Variants in GABRB1 observed in about 807,000 individuals in gnomAD.
GABRB1 encodes gamma-aminobutyric acid receptor subunit beta-1.
A neutral mutation model predicts 51.6 loss-of-function variants in GABRB1; 17 were observed. The observed-to-expected ratio is 0.33, with a 90% CI of 0.23 to 0.49. The LOEUF (loss-of-function observed/expected upper bound fraction) is 0.49, where lower values mean the gene tolerates loss of function less well. GABRB1 is among the 20% of genes least tolerant of loss of function. The pLI is 0.99. For synonymous variants in GABRB1, 247 were observed against 218.9 expected, an observed-to-expected ratio of 1.13 and a Z score of -1.14; for missense variants, 410 against 600.6, an observed-to-expected ratio of 0.68 and a Z score of 3.32.
intron 3 of GABRB1, among the ~76,000 whole-genome samples, chr4:47,146,867 A>C (rs974752660): frequency 6.6e-6 from 1 of 152,024 alleles, no homozygotes; most frequent in African/African-American, 2.4e-5. Context: ...ATAATGTAAA[A>C]CTTAGAATGT....
At chr4:47,116,716 A>C (rs1376765982) in intron 3 of GABRB1, among the ~76,000 whole-genome samples, 1 of 152,092 alleles carries the variant, frequency 6.6e-6, no homozygotes, top group African/African-American at 2.4e-5. Context: ...TTCTTTGGGC[A>C]AGTGTATTAG....
intron 4 of GABRB1, among the ~76,000 whole-genome samples, chr4:47,214,067 G>A (rs141059918): frequency 6.6e-5 from 10 of 152,212 alleles, no homozygotes; most frequent in Non-Finnish European, 1.3e-4. Context: ...TTAAATGGAT[G>A]AAACGCTAGT....
At position 47,403,534 on chromosome 4, in the gene GABRB1, ACTTGT is replaced by A; in HGVS notation, c.683-21_683-17del. 6.2e-7 allele frequency: 1 copy of A among 1,613,692 alleles called. No homozygotes were observed. Among genetic ancestry groups the A allele is most frequent in the Non-Finnish European group, 8.5e-7 (1 of 1,179,764 alleles). On this transcript the variant is annotated intron_variant, in intron 6 of 8. Transcript: ENST00000295454. ...GTTCCAACCAAATAATGGTCTGATT[ACTTGT>A]CTTTTGTTTCTCAACTCAGGAGCGT...
intron 4 of GABRB1, among the ~76,000 whole-genome samples, chr4:47,242,039 C>T (rs1251163959): frequency 6.6e-6 from 1 of 152,060 alleles, no homozygotes; most frequent in African/African-American, 2.4e-5. Flanking sequence ...CTTCCCCCTC[C>T]ACCCACCCCA....
chr4:47,203,682 G>C (rs183575597), intron 4 of GABRB1, among the ~76,000 whole-genome samples: 1 of 152,038 alleles, frequency 6.6e-6, no homozygotes, highest in Non-Finnish European at 1.5e-5. Flanking sequence ...CACAGGGATG[G>C]CACACAGCAT....
At position 47,103,973 on chromosome 4, in the gene GABRB1, T is replaced by C. The variant is rs140150705; in HGVS notation, c.241-57276T>C. ...GAAAAAATAAATTTCATATTTTCTTTTATTTATGCCCTTTCTAGCATTCCT... is the reference window on the plus strand; with the variant it reads ...GAAAAAATAAATTTCATATTTTCTTCTATTTATGCCCTTTCTAGCATTCCT... On this transcript the variant is annotated intron_variant, in intron 3 of 8. Coordinates refer to ENST00000295454, the MANE Select transcript of GABRB1 (RefSeq NM_000812.4). 9.2e-4 allele frequency among the ~76,000 whole-genome samples: 140 copies of C among 151,940 alleles called. 2 individuals carry two copies. The highest frequency in any genetic ancestry group is 3.1e-3 in the African/African-American group (130 of 41,530).
At chr4:47,219,373 A>G (rs1353448765) in intron 4 of GABRB1, among the ~76,000 whole-genome samples, 1 of 152,026 alleles carries the variant, frequency 6.6e-6, no homozygotes, top group South Asian at 2.1e-4. Flanking sequence ...TACTAAAGTA[A>G]CTAGCCTGAT....
chr4:47,138,284 G>A (rs1194184502), intron 3 of GABRB1, among the ~76,000 whole-genome samples: 4 of 152,044 alleles, frequency 2.6e-5, no homozygotes, highest in Non-Finnish European at 5.9e-5. Context: ...TGTTCTGAAG[G>A]TGGCTTTTAT....
At chr4:47,338,155 T>C (rs1725765338) in intron 5 of GABRB1, among the ~76,000 whole-genome samples, 1 of 152,198 alleles carries the variant, frequency 6.6e-6, no homozygotes, top group Admixed American at 6.5e-5. Flanking sequence ...CTGATCTTTC[T>C]ATACATCACC....
At chr4:46,997,778 A>G (rs1724048878) in intron 1 of GABRB1, among the ~76,000 whole-genome samples, 2 of 152,154 alleles carry the variant, frequency 1.3e-5, no homozygotes, top group African/African-American at 4.8e-5. Flanking sequence ...GCACACATAC[A>G]CATATACACA....
intron 3 of GABRB1, among the ~76,000 whole-genome samples, chr4:47,119,691 C>A (rs1715676632): frequency 6.6e-6 from 1 of 151,864 alleles, no homozygotes; most frequent in African/African-American, 2.4e-5. Flanking sequence ...TATTTTTTAG[C>A]AGAGACAAGG....
chr4:47,169,175 G>A (rs868745354), intron 4 of GABRB1, among the ~76,000 whole-genome samples: 6 of 152,048 alleles, frequency 3.9e-5, no homozygotes, highest in African/African-American at 1.2e-4. Context: ...AACCTATTTA[G>A]CATTTGCAAA....
At chr4:47,135,469 G>A (rs1716601317) in intron 3 of GABRB1, among the ~76,000 whole-genome samples, 1 of 152,050 alleles carries the variant, frequency 6.6e-6, no homozygotes, top group Non-Finnish European at 1.5e-5. Flanking sequence ...GTCAAAGTGT[G>A]CCAAAAGAAG....
At chr4:47,078,529 G>A (rs886462950) in intron 3 of GABRB1, among the ~76,000 whole-genome samples, 1 of 152,058 alleles carries the variant, frequency 6.6e-6, no homozygotes, top group African/African-American at 2.4e-5. Flanking sequence ...GAGTGGCACA[G>A]CACAGCATAT....
intron 4 of GABRB1, among the ~76,000 whole-genome samples, chr4:47,213,196 T>G (rs1282315776): frequency 6.6e-6 from 1 of 152,156 alleles, no homozygotes; most frequent in Non-Finnish European, 1.5e-5. Context: ...TAAAGATAAT[T>G]TTGTATGCTT....
At chr4:47,330,573 A>G (rs1229507631) in intron 5 of GABRB1, among the ~76,000 whole-genome samples, 1 of 152,158 alleles carries the variant, frequency 6.6e-6, no homozygotes, top group Non-Finnish European at 1.5e-5. Context: ...CTTAAGAAGG[A>G]ACTTCCCCTA....
intron 3 of GABRB1, among the ~76,000 whole-genome samples, chr4:47,153,600 A>G (rs1717558239): frequency 6.6e-6 from 1 of 152,042 alleles, no homozygotes; most frequent in South Asian, 2.1e-4. Flanking sequence ...GTCTCATGCC[A>G]TGCGGTTCAT....
chr4:47,231,587 A>T (rs1721144267), intron 4 of GABRB1, among the ~76,000 whole-genome samples: 1 of 152,216 alleles, frequency 6.6e-6, no homozygotes. Flanking sequence ...GGACAATAAA[A>T]AGTAACATAA....
chr4:47,235,948 A>G (rs1012032522), intron 4 of GABRB1, among the ~76,000 whole-genome samples: 1 of 152,078 alleles, frequency 6.6e-6, no homozygotes, highest in Non-Finnish European at 1.5e-5. Flanking sequence ...AAACGTCCCC[A>G]TTCCTCCAAA....
Sources: gnomAD v4.1 joint callset for allele counts (sites outside exome capture counted in the v4.1 genomes callset) on GRCh38, gnomAD v4.1.1 for gene constraint, MANE v1.5 for transcripts, NCBI Gene and HGNC (gene_info 2026-07-23, HGNC 2026-07-21) for gene names.